The following FAT3 variants were observed in gnomAD, a reference collection of about 807,000 sequenced individuals.
FAT3 encodes the protein FAT atypical cadherin 3.
In FAT3, 95 loss-of-function variants were observed where a neutral mutation model predicts 310.2. The ratio of observed to expected loss-of-function variants is 0.31; its 90% CI spans 0.26 to 0.36. The LOEUF is 0.36. FAT3 is among the 10% of genes least tolerant of loss of function. The pLI, the probability that FAT3 is intolerant of heterozygous loss-of-function variation, is 1.00. For missense variants in FAT3, 5,408 were observed against 5,715.6 expected, an observed-to-expected ratio of 0.95 and a Z score of 1.74; for synonymous variants, 2,314 against 2,192.9, an observed-to-expected ratio of 1.06 and a Z score of -1.54.
intron 2 of FAT3, among the ~76,000 whole-genome samples, chr11:92,470,853 G>A (rs1451794953): frequency 6.6e-6 from 1 of 151,814 alleles, no homozygotes; most frequent in South Asian, 2.1e-4. Context: ...TTTATATGAC[G>A]ACTTTAAAAA....
chr11:92,558,352 A>G (rs904242710), intron 3 of FAT3, among the ~76,000 whole-genome samples: 1 of 151,962 alleles, frequency 6.6e-6, no homozygotes, highest in African/African-American at 2.4e-5. Context: ...CTCAGAAGCC[A>G]AAGTGTGAGT....
chr11:92,680,763 C>T (rs957350860), intron 3 of FAT3, among the ~76,000 whole-genome samples: 3 of 152,170 alleles, frequency 2.0e-5, no homozygotes, highest in African/African-American at 7.2e-5. Flanking sequence ...GAGGTAGATA[C>T]AAACTTTTTC....
chr11:92,793,015 C>G lies in FAT3; in HGVS notation c.4822+38C>G, dbSNP rs767712811. On this transcript the variant is annotated intron_variant, in intron 9 of 27. Transcript: ENST00000525166. ...GCACTGCACAGATTTCAGCATAATGCAAGGCATTCGACCCTCAGTAGTATT... is the reference window on the plus strand; with the variant it reads ...GCACTGCACAGATTTCAGCATAATGGAAGGCATTCGACCCTCAGTAGTATT... 2.5e-6 allele frequency: 4 copies of G among 1,587,982 alleles called. No homozygotes were observed. The South Asian group carries it at 3.4e-5, about 13-fold the overall frequency.
chr11:92,329,729 A>AT (rs1565230550), intron 1 of FAT3, among the ~76,000 whole-genome samples: 3 of 114 alleles, frequency 0.026, no homozygotes, highest in African/African-American at 0.083. Context: ...AGAGCTCTTT[A>AT]TTTTTAGGGA....
intron 3 of FAT3, among the ~76,000 whole-genome samples, chr11:92,648,541 C>T (rs1050500471): frequency 1.3e-5 from 2 of 152,182 alleles, no homozygotes; most frequent in Non-Finnish European, 2.9e-5. Flanking sequence ...TCCCTCAGAG[C>T]AGAACAACAC....
intron 20 of FAT3, among the ~76,000 whole-genome samples, chr11:92,858,448 A>C (rs1949038090): frequency 6.6e-6 from 1 of 152,082 alleles, no homozygotes; most frequent in South Asian, 2.1e-4. Context: ...GTCTATAATT[A>C]TTGTCCATTT....
intron 2 of FAT3, among the ~76,000 whole-genome samples, chr11:92,439,049 G>A (rs193080627): frequency 1.5e-3 from 226 of 152,262 alleles, no homozygotes; most frequent in African/African-American, 5.0e-3. Flanking sequence ...TCTTGTGTTG[G>A]CAGATCACTG....
chr11:92,462,107 T>C (rs1255565535), intron 2 of FAT3, among the ~76,000 whole-genome samples: 1 of 152,232 alleles, frequency 6.6e-6, no homozygotes, highest in Non-Finnish European at 1.5e-5. Flanking sequence ...AAATACTGCC[T>C]CATCTCAGCT....
intron 9 of FAT3, among the ~76,000 whole-genome samples, chr11:92,797,542 C>A (rs185847754): frequency 6.6e-6 from 1 of 152,150 alleles, no homozygotes; most frequent in African/African-American, 2.4e-5. Context: ...CCTTCGGGCT[C>A]TCTTATTTCC....
chr11:92,562,349 G>A (rs112965566), intron 3 of FAT3, among the ~76,000 whole-genome samples: 44 of 151,846 alleles, frequency 2.9e-4, no homozygotes, highest in African/African-American at 9.7e-4. Context: ...TGTTTCTCAC[G>A]TATTTTCCCT....
chr11:92,681,217 T>A (rs1292966666), intron 3 of FAT3, among the ~76,000 whole-genome samples: 1 of 152,110 alleles, frequency 6.6e-6, no homozygotes, highest in Non-Finnish European at 1.5e-5. Flanking sequence ...AATAGATAAG[T>A]GAACAAATAT....
chr11:92,745,025 G>A (rs1426402468), intron 4 of FAT3, among the ~76,000 whole-genome samples: 1 of 152,152 alleles, frequency 6.6e-6, no homozygotes, highest in Non-Finnish European at 1.5e-5. Flanking sequence ...AGCCTTTACT[G>A]TGGAAAGAAA....
In FAT3 at chr11:92,771,314, G is replaced by A. The variant is rs78174461; in HGVS notation, c.4196-2727G>A. Among the ~76,000 whole-genome samples the A allele has an allele frequency of 3.2e-3, 480 of 152,230 alleles. 3 individuals carry two copies. The highest frequency in any genetic ancestry group is 0.011 in the African/African-American group (448 of 41,524). ...TATTCTCACCCTGGACGATTTGGAC[G>A]TGGTTTCCTATGAAACTGAAATCAC... On this transcript the variant is annotated intron_variant, in intron 6 of 27. Coordinates refer to ENST00000525166, the MANE Select transcript of FAT3 (RefSeq NM_001367949.2).
chr11:92,805,141 T>G lies in FAT3; in HGVS notation c.8897-12T>G, dbSNP rs761881531. On this transcript the variant is annotated splice_polypyrimidine_tract_variant and intron_variant, in intron 10 of 27. Coordinates refer to ENST00000525166, the MANE Select transcript of FAT3 (RefSeq NM_001367949.2). ...CACATCTTCAAAAGCTCTTTTGTTTTTTTAACTGCAGGAGGAAACCCTCGA... is the reference window on the plus strand; with the variant it reads ...CACATCTTCAAAAGCTCTTTTGTTTGTTTAACTGCAGGAGGAAACCCTCGA... 9 of 1,601,018 alleles carry G rather than the reference T, an allele frequency of 5.6e-6. No homozygotes were observed. In the East Asian group the frequency reaches 2.0e-4, roughly 36 times the overall value.
At chr11:92,472,499 T>C (rs1808865769) in intron 2 of FAT3, among the ~76,000 whole-genome samples, 1 of 152,200 alleles carries the variant, frequency 6.6e-6, no homozygotes, top group Non-Finnish European at 1.5e-5. Flanking sequence ...ACTGAGGCAT[T>C]GGGACGTAGT....
At chr11:92,665,761 AG>A (rs1942929205) in intron 3 of FAT3, among the ~76,000 whole-genome samples, 1 of 152,220 alleles carries the variant, frequency 6.6e-6, no homozygotes, top group Non-Finnish European at 1.5e-5. Context: ...TGATACTTCA[AG>A]AACTTTTATG....
At chr11:92,531,181 C>T (rs554644581) in intron 3 of FAT3, among the ~76,000 whole-genome samples, 1 of 152,260 alleles carries the variant, frequency 6.6e-6, no homozygotes, top group South Asian at 2.1e-4. Flanking sequence ...AGCCCTTGTC[C>T]TATAGAACAT....
At chr11:92,425,263 T>C (rs1250525156) in intron 2 of FAT3, among the ~76,000 whole-genome samples, 1 of 152,106 alleles carries the variant, frequency 6.6e-6, no homozygotes, top group Non-Finnish European at 1.5e-5. Flanking sequence ...GCATTTTCAA[T>C]GGGCCCTACA....
chr11:92,709,325 TAGG>T (rs1052292875), intron 4 of FAT3, among the ~76,000 whole-genome samples: 3 of 152,200 alleles, frequency 2.0e-5, no homozygotes, highest in African/African-American at 7.2e-5. Flanking sequence ...TGTGACTGTT[TAGG>T]AGATGTTCGA....
Sources: allele counts gnomAD v4.1 joint callset (sites outside exome capture counted in the v4.1 genomes callset), GRCh38; gene constraint gnomAD v4.1.1; transcripts MANE v1.5; gene names NCBI Gene and HGNC (gene_info 2026-07-23, HGNC 2026-07-21).